Variants in EVC2 observed in about 807,000 individuals in gnomAD.
EVC2 encodes EvC ciliary complex subunit 2, also known as limbin.
A neutral mutation model predicts 149.3 loss-of-function variants in EVC2; 148 were observed. That is an observed-to-expected ratio of 0.99 (90% CI 0.87 to 1.14). The LOEUF (loss-of-function observed/expected upper bound fraction) is 1.14. EVC2 is among the 50% of genes most tolerant of loss of function. EVC2 has a pLI of 0.00. For synonymous variants in EVC2, 776 were observed against 649.9 expected (o/e 1.19, Z -2.95); for missense variants, 1,854 against 1,627.3 (o/e 1.14, Z -2.40).
At chr4:5,538,556 C>T (rs535037694), downstream of EVC2, among the ~76,000 whole-genome samples, 27 of 152,046 alleles carry the variant, frequency 1.8e-4, no homozygotes, top group South Asian at 4.2e-3. Flanking sequence ...TGAACTTAGA[C>T]GCAAAATTCT....
At position 5,543,235 on chromosome 4, in the gene EVC2, T is replaced by C. The variant is rs564444382; in HGVS notation, c.3420-23A>G. ...GACCTGGAACAGGATACAATCCTGG[T>C]CTAACCAAAGTCTCTCCCATCCCTA... is the stretch of plus-strand genomic sequence containing the variant. On this transcript the variant is annotated intron_variant and NMD_transcript_variant, in intron 21 of 22. Coordinates refer to the EVC2 transcript ENST00000475313. The C allele has an allele frequency of 1.6e-5, 21 of 1,288,438 alleles. No individual in the cohort carries two copies. In the African/African-American group the frequency reaches 3.0e-4, roughly 19 times the overall value. 79.8% of individuals were successfully genotyped at this position (1,288,438 alleles called of 1,614,324 possible).
chr4:5,675,458 G>A (rs1318869561), intron 7 of EVC2, among the ~76,000 whole-genome samples: 1 of 152,074 alleles, frequency 6.6e-6, no homozygotes, highest in South Asian at 2.1e-4. Flanking sequence ...TTTATCTTTT[G>A]TTCCATTGGT....
chr4:5,672,430 G>A (rs1002391326), intron 7 of EVC2, among the ~76,000 whole-genome samples: 1 of 152,204 alleles, frequency 6.6e-6, no homozygotes, highest in African/African-American at 2.4e-5. Context: ...AACTCTGGCC[G>A]CTGTATGACT....
chr4:5,701,851 C>T (rs982933517), intron 1 of EVC2, among the ~76,000 whole-genome samples: 2 of 152,142 alleles, frequency 1.3e-5, no homozygotes, highest in African/African-American at 4.8e-5. Context: ...TCTCTCTCAA[C>T]CCAGAACCAA....
chr4:5,584,641 G>C lies in EVC2; in HGVS notation c.3039C>G (p.Ile1013Met), dbSNP rs751382770. 6.2e-7 allele frequency: 1 copy of C among 1,613,618 alleles called. No homozygotes were observed. Among genetic ancestry groups the C allele is most frequent in the Non-Finnish European group, 8.5e-7 (1 of 1,179,826 alleles). Reference sequence around the variant, plus strand: ...CACTCACCCGGCTGTGCGACTCCAGGATCTGTGTGCAGGCCGACTTGGTCA... The same window carrying C: ...CACTCACCCGGCTGTGCGACTCCAGCATCTGTGTGCAGGCCGACTTGGTCA... ...EMLTKSACTQ[I>M]LESHSRELQE... The change falls in exon 17 of 22, where the codon ATC becomes ATG. Residue 1013 changes from isoleucine (I) to methionine (M), a missense_variant. Coordinates refer to ENST00000344408, the MANE Select transcript of EVC2 (RefSeq NM_147127.5).
At chr4:5,630,205 AG>A (rs1019477798) in intron 11 of EVC2, among the ~76,000 whole-genome samples, 5 of 152,134 alleles carry the variant, frequency 3.3e-5, no homozygotes, top group Admixed American at 1.3e-4. Context: ...TGGGAATGGG[AG>A]GCTTGTGACG....
chr4:5,542,012 C>T (rs1179290986), downstream of EVC2, among the ~76,000 whole-genome samples: 4 of 152,116 alleles, frequency 2.6e-5, no homozygotes, highest in African/African-American at 9.7e-5. Context: ...TGAGGTTTGG[C>T]CCTCATCCCA....
intron 21 of EVC2, among the ~76,000 whole-genome samples, chr4:5,555,203 G>A (rs1251447261): frequency 6.6e-6 from 1 of 151,960 alleles, no homozygotes; most frequent in African/African-American, 2.4e-5. Context: ...AAGAGAAAAT[G>A]ATTAATCAAA....
At chr4:5,535,400 C>T in the EVC2 span, among the ~76,000 whole-genome samples, 2 of 152,148 alleles carry the variant, frequency 1.3e-5, no homozygotes, top group Non-Finnish European at 2.9e-5. This position sits in a 1 kb window ranked among gnomAD's most constrained non-coding sequence, Gnocchi z 4.7. Context: ...CTTACCTGTC[C>T]TGAATCTCGA....
chr4:5,564,770 A>T (rs528462045), intron 21 of EVC2, among the ~76,000 whole-genome samples: 11 of 152,188 alleles, frequency 7.2e-5, no homozygotes, highest in Non-Finnish European at 1.6e-4. Context: ...GGAAAAAGGC[A>T]TTGGGGTGAA....
rs1312977684 is a variant in EVC2 at position 5,686,643 on chromosome 4, C to A, written c.707-1164G>T. ...CGCTGATGGACAGGGAGCCACCTGA[C>A]CCTCTGGGTCCCATCATCTTTTCCC... On this transcript the variant is annotated intron_variant, in intron 5 of 21. Coordinates refer to ENST00000344408, the MANE Select transcript of EVC2 (RefSeq NM_147127.5). This position sits in a 1 kb window ranked among gnomAD's most constrained non-coding sequence, Gnocchi z 5.4. Among the ~76,000 whole-genome samples, 3 of 152,200 alleles carry A rather than the reference C, an allele frequency of 2.0e-5. No homozygotes were observed. The highest frequency in any genetic ancestry group is 2.9e-5 in the Non-Finnish European group (2 of 68,046).
intron 1 of EVC2, among the ~76,000 whole-genome samples, chr4:5,701,794 T>C (rs576466425): frequency 2.7e-4 from 41 of 152,228 alleles, no homozygotes; most frequent in Non-Finnish European, 3.7e-4. Context: ...CTTTCTCCTA[T>C]TGGCTCAGGC....
intron 16 of EVC2, among the ~76,000 whole-genome samples, chr4:5,596,402 A>T (rs962500523): frequency 5.9e-5 from 9 of 152,256 alleles, no homozygotes; most frequent in African/African-American, 2.2e-4. Flanking sequence ...ACTAGAACTC[A>T]GGATTAAGAA....
chr4:5,649,139 G>C (rs764772569), intron 9 of EVC2, among the ~76,000 whole-genome samples: 4 of 152,144 alleles, frequency 2.6e-5, no homozygotes, highest in Non-Finnish European at 4.4e-5. Flanking sequence ...CTGAGTCTGG[G>C]GCATCTTTAC....
rs565916449 is a variant in EVC2 at position 5,649,402 on chromosome 4, T to A, written c.1146-8564A>T. Reference sequence around the variant, plus strand: ...CTATTAAAACTTGCCAATGATAACATCTTTCAAGGGAAACAGTACCGCTTA... The same window carrying A: ...CTATTAAAACTTGCCAATGATAACAACTTTCAAGGGAAACAGTACCGCTTA... On this transcript the variant is annotated intron_variant, in intron 9 of 21. Coordinates refer to ENST00000344408, the MANE Select transcript of EVC2 (RefSeq NM_147127.5). Among the ~76,000 whole-genome samples, 3 of 152,298 alleles carry A rather than the reference T, an allele frequency of 2.0e-5. No homozygotes were observed. The East Asian group carries it at 5.8e-4, about 29-fold the overall frequency.
At chr4:5,650,930 T>C (rs1281180618) in intron 9 of EVC2, among the ~76,000 whole-genome samples, 5 of 152,122 alleles carry the variant, frequency 3.3e-5, no homozygotes, top group African/African-American at 4.8e-5. Context: ...ATGTGACTTC[T>C]CATTGTTGTT....
chr4:5,558,496 A>C (rs1393713310), downstream of EVC2, among the ~76,000 whole-genome samples: 1 of 152,204 alleles, frequency 6.6e-6, no homozygotes, highest in African/African-American at 2.4e-5. Context: ...ATTTTATACA[A>C]ATTTGTATCA....
chr4:5,625,307 T>TAC lies in EVC2; in HGVS notation c.2046+440_2046+441dup, dbSNP rs71171407. The stretch of plus-strand genomic sequence containing the variant: ...CTTACTAGATATTTGACCTTGACCA[T>TAC]ACACACACACACACACACACACACA... On this transcript the variant is annotated intron_variant, in intron 13 of 21. Coordinates refer to ENST00000344408, the MANE Select transcript of EVC2 (RefSeq NM_147127.5). This position sits in a 1 kb window ranked among gnomAD's most constrained non-coding sequence, Gnocchi z 4.0. Among the ~76,000 whole-genome samples, 10,502 of 139,772 alleles carry TAC rather than the reference T, an allele frequency of 0.075. 396 individuals carry two copies. Among genetic ancestry groups the TAC allele is most frequent in the Non-Finnish European group, 0.086 (5,456 of 63,236 alleles). The allele number at this position is 139,772 out of a possible 152,430, so 91.7% of individuals were successfully genotyped here. A position where few individuals can be genotyped will look rare whatever the true frequency, so the allele number is the denominator to read the frequency against.
At chr4:5,623,857 T>C (rs1406706007) in intron 13 of EVC2, among the ~76,000 whole-genome samples, 1 of 152,204 alleles carries the variant, frequency 6.6e-6, no homozygotes, top group East Asian at 1.9e-4. Flanking sequence ...AGGACCTCCC[T>C]TTCAGAAGAG....
Sources: allele counts gnomAD v4.1 joint callset (sites outside exome capture counted in the v4.1 genomes callset), GRCh38; gene constraint gnomAD v4.1.1; non-coding constraint Gnocchi (gnomAD v3.1); transcripts MANE v1.5; gene names NCBI Gene and HGNC (gene_info 2026-07-23, HGNC 2026-07-21).